Variants in CNGA3 observed in about 807,000 individuals in gnomAD.
The protein encoded by CNGA3 is cyclic nucleotide gated channel subunit alpha 3.
A neutral mutation model predicts 46.6 loss-of-function variants in CNGA3; 42 were observed. The observed-to-expected ratio is 0.90, with a 90% CI of 0.70 to 1.17. The LOEUF is 1.17. Among genes scored for constraint, CNGA3 ranks in the 50% most tolerant of loss-of-function variants. CNGA3 has a pLI of 0.00. For synonymous variants in CNGA3, 394 were observed against 369.4 expected, an observed-to-expected ratio of 1.07 and a Z score of -0.76; for missense variants, 893 against 890.7, an observed-to-expected ratio of 1.00 and a Z score of -0.03.
At chr2:98,352,845 G>T (rs1691796161) in intron 1 of CNGA3, among the ~76,000 whole-genome samples, 1 of 152,142 alleles carries the variant, frequency 6.6e-6, no homozygotes, top group Non-Finnish European at 1.5e-5. Flanking sequence ...CCAACTTACA[G>T]ACAGCAGCTC....
At position 98,383,518 on chromosome 2, in the gene CNGA3, T is replaced by G. The variant is rs563158479; in HGVS notation, c.449+77T>G. The G allele has an allele frequency of 4.7e-5, 65 of 1,378,168 alleles. No individual in the cohort carries two copies. The East Asian group carries it at 1.3e-3, about 28-fold the overall frequency. 85.4% of individuals were successfully genotyped at this position (1,378,168 alleles called of 1,614,324 possible). ...CCCATAGAAGCCCCAGCTTGGCCTC[T>G]CTCCTTAGTGCTCCTGCTCCCCACT... On this transcript the variant is annotated intron_variant, in intron 5 of 7. Coordinates refer to ENST00000272602, the MANE Select transcript of CNGA3 (RefSeq NM_001298.3).
At chr2:98,365,043 ATT>A (rs35874455) in intron 1 of CNGA3, among the ~76,000 whole-genome samples, 9 of 144,726 alleles carry the variant, frequency 6.2e-5, no homozygotes, top group Admixed American at 2.0e-4. Flanking sequence ...TGCCCTTAAC[ATT>A]TTTTTTTTTT....
chr2:98,355,603 C>T lies in CNGA3; in HGVS notation c.-38+9069C>T, dbSNP rs76792799. On this transcript the variant is annotated intron_variant, in intron 1 of 7. Coordinates refer to ENST00000272602, the MANE Select transcript of CNGA3 (RefSeq NM_001298.3). ...TTAAAACTCTTATATAAAGATAGCA[C>T]TGACATGTCTTCTGTACCAAACTTT... is the stretch of plus-strand genomic sequence containing the variant. Among the ~76,000 whole-genome samples the T allele has an allele frequency of 1.4e-4, 21 of 152,336 alleles. No homozygotes were observed. In the East Asian group the frequency reaches 3.9e-3, roughly 28 times the overall value.
chr2:98,355,515 C>T (rs1416969176), intron 1 of CNGA3, among the ~76,000 whole-genome samples: 1 of 152,100 alleles, frequency 6.6e-6, no homozygotes, highest in Non-Finnish European at 1.5e-5. Flanking sequence ...CAACTCTGTT[C>T]CACAGTTTCT....
In CNGA3 at chr2:98,397,575, G is replaced by A; in HGVS notation, c.*320G>A. On this transcript the variant is annotated 3_prime_UTR_variant, in exon 8 of 8. Transcript: ENST00000272602. ...CTCTCATTACTTTTTTATGGAATCT[G>A]CAAGGTGTTTTTAGGCTTTTTAATC... The A allele has an allele frequency of 2.5e-6, 1 of 402,636 alleles. No homozygotes were observed. The highest frequency in any genetic ancestry group is 4.5e-6 in the Non-Finnish European group (1 of 220,636). The allele number at this position is 402,636 out of a possible 1,614,324, so 24.9% of individuals were successfully genotyped here.
chr2:98,379,530 G>A (rs1692490800), intron 3 of CNGA3, among the ~76,000 whole-genome samples: 3 of 152,162 alleles, frequency 2.0e-5, no homozygotes, highest in Admixed American at 6.5e-5. Flanking sequence ...GCAGGTGTTG[G>A]AGCTCACGGC....
At chr2:98,375,153 G>C (rs1198192731) in intron 2 of CNGA3, among the ~76,000 whole-genome samples, 2 of 152,194 alleles carry the variant, frequency 1.3e-5, no homozygotes, top group Non-Finnish European at 2.9e-5. Flanking sequence ...TGCAATCCTG[G>C]GTGGGTTTTG....
rs1205119110 is a variant in CNGA3 at position 98,396,931 on chromosome 2, C to T, written c.1761C>T (p.Ala587=). ...TCTCAAAGGACGATCTCATGGAGGC[C>T]CTCACCGAGTACCCCGAAGCCAAGA... ...FCLSKDDLME[A]LTEYPEAKKA... is the part of the protein sequence containing the mutation. Residue 587 remains alanine (A), a synonymous_variant, in exon 8 of 8, where the codon GCC becomes GCT. Coordinates refer to ENST00000272602, the MANE Select transcript of CNGA3 (RefSeq NM_001298.3). 3 of 1,613,958 alleles carry T rather than the reference C, an allele frequency of 1.9e-6. No homozygotes were observed. The highest frequency in any genetic ancestry group is 1.3e-5 in the African/African-American group (1 of 74,892).
intron 1 of CNGA3, among the ~76,000 whole-genome samples, chr2:98,364,887 T>C (rs1692110459): frequency 1.3e-5 from 2 of 152,194 alleles, no homozygotes; most frequent in African/African-American, 4.8e-5. Context: ...TTTGGCCAGA[T>C]AGGAAATTCT....
At chr2:98,392,302 G>A (rs781573855) in intron 7 of CNGA3, among the ~76,000 whole-genome samples, 5 of 152,216 alleles carry the variant, frequency 3.3e-5, no homozygotes, top group Non-Finnish European at 7.3e-5. Flanking sequence ...GCTCACATCT[G>A]TAATCCTAGG....
intron 3 of CNGA3, 196 bp downstream of exon 3, chr2:98,377,996 T>C (rs1692447674): frequency 6.6e-7 from 1 of 1,514,018 alleles, no homozygotes; most frequent in South Asian, 1.3e-5. Flanking sequence ...CAGAAAAGTC[T>C]AAGGAAAACT....
At chr2:98,352,650 C>T (rs928991568) in intron 1 of CNGA3, among the ~76,000 whole-genome samples, 4 of 152,134 alleles carry the variant, frequency 2.6e-5, no homozygotes, top group Admixed American at 2.0e-4. Context: ...GTATTTGAAT[C>T]CATGGACTGG....
At chr2:98,367,508 C>T (rs1283590498) in intron 1 of CNGA3, among the ~76,000 whole-genome samples, 3 of 152,096 alleles carry the variant, frequency 2.0e-5, no homozygotes, top group Non-Finnish European at 4.4e-5. Context: ...TCAGCTGTTT[C>T]TAGTCAGCCA....
At chr2:98,353,295 T>C (rs932195421) in intron 1 of CNGA3, among the ~76,000 whole-genome samples, 1 of 150,402 alleles carries the variant, frequency 6.6e-6, no homozygotes, top group Non-Finnish European at 1.5e-5. Context: ...ACACTTGTTA[T>C]GGTAATATTA....
chr2:98,397,008 A>C lies in CNGA3; in HGVS notation c.1838A>C (p.Asp613Ala). 1 of 1,614,004 alleles carries C rather than the reference A, an allele frequency of 6.2e-7. No homozygotes were observed. Among genetic ancestry groups the C allele is most frequent in the Non-Finnish European group, 8.5e-7 (1 of 1,179,944 alleles). ...ATCCTGATGAAAGACAACCTGATCGATGAGGAGCTGGCCAGGGCGGGCGCG... is the reference window on the plus strand; with the variant it reads ...ATCCTGATGAAAGACAACCTGATCGCTGAGGAGCTGGCCAGGGCGGGCGCG... Reference protein sequence around the residue: ...RQILMKDNLIDEELARAGADP... With the variant: ...RQILMKDNLIAEELARAGADP... The change falls in exon 8 of 8, where the codon GAT becomes GCT. Residue 613 changes from aspartate (D) to alanine (A), a missense_variant. Asp to Ala is a moderately radical substitution (Grantham distance 126). Around this residue, in one of 3 missense-constraint regions of CNGA3, gnomAD observed 548 missense variants for 570.8 expected, o/e 0.96. Transcript: ENST00000272602.
intron 7 of CNGA3, among the ~76,000 whole-genome samples, chr2:98,394,927 C>A (rs796269251): frequency 6.6e-6 from 1 of 152,190 alleles, no homozygotes; most frequent in Non-Finnish European, 1.5e-5. Context: ...ATTCACTGAG[C>A]GCTAATCAAA....
intron 5 of CNGA3, among the ~76,000 whole-genome samples, chr2:98,387,189 G>A (rs138366714): frequency 5.3e-4 from 80 of 152,314 alleles, no homozygotes; most frequent in African/African-American, 1.8e-3. Context: ...AGAATTCACC[G>A]TTGAGGATGA....
chr2:98,372,273 C>G (rs1244169670), intron 2 of CNGA3, among the ~76,000 whole-genome samples: 1 of 152,208 alleles, frequency 6.6e-6, no homozygotes, highest in African/African-American at 2.4e-5. Flanking sequence ...TGCAAGGCCT[C>G]TTAGAAGATG....
intron 1 of CNGA3, among the ~76,000 whole-genome samples, chr2:98,355,049 T>C (rs899518422): frequency 1.3e-5 from 2 of 152,354 alleles, no homozygotes; most frequent in African/African-American, 4.8e-5. Context: ...AAATGCATTT[T>C]CTGTGTTCAT....
Sources: gnomAD v4.1 joint callset for allele counts (sites outside exome capture counted in the v4.1 genomes callset) on GRCh38, gnomAD v4.1.1 for gene constraint, gnomAD v4.1.1 regional missense constraint, MANE v1.5 for transcripts, NCBI Gene and HGNC (gene_info 2026-07-23, HGNC 2026-07-21) for gene names.